Variants in MARK3 observed in about 807,000 individuals in gnomAD.
MARK3 encodes the protein microtubule affinity regulating kinase 3, also known as MAP/microtubule affinity-regulating kinase 3.
Under a neutral mutation model 90.1 loss-of-function variants are expected in MARK3, and 46 were observed. The ratio of observed to expected loss-of-function variants is 0.51; its 90% CI spans 0.40 to 0.65. The LOEUF is 0.65. Ranked by LOEUF, MARK3 falls within the 30% of genes least tolerant of loss-of-function variation. MARK3 has a pLI of 0.00. For synonymous variants in MARK3, 321 were observed against 332.6 expected, an observed-to-expected ratio of 0.97 and a Z score of 0.38; for missense variants, 818 against 947.2, an observed-to-expected ratio of 0.86 and a Z score of 1.79.
chr14:103,413,349 T>A (rs1422260863), intron 2 of MARK3, among the ~76,000 whole-genome samples: 2 of 151,922 alleles, frequency 1.3e-5, no homozygotes, highest in Admixed American at 1.3e-4. Context: ...AATAATCATA[T>A]AACTTCTTGC....
Position 103,385,904 on chromosome 14 carries a change from G to C in MARK3, c.-126G>C. The C allele has an allele frequency of 1.3e-6, 1 of 747,736 alleles. No homozygotes were observed. Among genetic ancestry groups the C allele is most frequent in the East Asian group, 2.6e-5 (1 of 38,916 alleles). The allele number at this position is 747,736 out of a possible 1,614,324, so 46.3% of individuals were successfully genotyped here. ...GGGATCTAGACGGCCGTAGGGGGAA[G>C]GGAGCCGCCCTCCCCACGGCGCCTT... On this transcript the variant is annotated 5_prime_UTR_variant, in exon 1 of 18. Coordinates refer to ENST00000429436, the MANE Select transcript of MARK3 (RefSeq NM_001128918.3).
rs1292724211 is a variant in MARK3 at position 103,468,058 on chromosome 14, G to A, written c.1136G>A (p.Ser379Asn). 31 of 1,613,674 alleles carry A rather than the reference G, an allele frequency of 1.9e-5. No homozygotes were observed. The highest frequency in any genetic ancestry group is 2.6e-5 in the Non-Finnish European group (31 of 1,179,904). Residue 379 changes from serine to asparagine, a missense_variant, in exon 12 of 18, where the codon AGC becomes AAC. Physicochemically the swap from Ser to Asn is conservative, Grantham distance 46. Transcript: ENST00000429436. ...CTGGATGCTAGTGATTCCAGTTCTA[G>A]CAGCAATCTTTCACTTGCTAAGGTT... ...SELDASDSSS[S>N]SNLSLAKVRP...
At position 103,455,149 on chromosome 14, in the gene MARK3, G is replaced by A. The variant is rs540033863; in HGVS notation, c.413-1993G>A. ...AATTCAAATTTAGAAAAAAAAATCT[G>A]TCAATTATATTGACAGACTTGGATT... On this transcript the variant is annotated intron_variant, in intron 5 of 17. Coordinates refer to ENST00000429436, the MANE Select transcript of MARK3 (RefSeq NM_001128918.3). Among the ~76,000 whole-genome samples, 11 of 152,212 alleles carry A rather than the reference G, an allele frequency of 7.2e-5. No individual in the cohort carries two copies. In the South Asian group the frequency reaches 2.3e-3, roughly 32 times the overall value.
At chr14:103,427,233 C>T (rs1272400847) in intron 2 of MARK3, among the ~76,000 whole-genome samples, 1 of 151,214 alleles carries the variant, frequency 6.6e-6, no homozygotes, top group Non-Finnish European at 1.5e-5. Flanking sequence ...GGCGCTGTGG[C>T]TCACACGTGT....
chr14:103,414,206 CT>C (rs58495929), intron 2 of MARK3, among the ~76,000 whole-genome samples: 293 of 140,526 alleles, frequency 2.1e-3, no homozygotes, highest in Middle Eastern at 3.7e-3. Flanking sequence ...TCTTTTCTTT[CT>C]TTTTTTTTTT....
intron 2 of MARK3, among the ~76,000 whole-genome samples, chr14:103,415,475 A>T (rs2091905355): frequency 6.6e-6 from 1 of 152,214 alleles, no homozygotes; most frequent in South Asian, 2.1e-4. Context: ...CCCATTATCC[A>T]TATTGTCCTG....
intron 14 of MARK3, among the ~76,000 whole-genome samples, chr14:103,485,864 C>T (rs569012136): frequency 2.0e-5 from 3 of 152,094 alleles, no homozygotes; most frequent in South Asian, 2.1e-4. Context: ...CTGAGACCCC[C>T]GTCTCTATAA....
At chr14:103,457,939 T>C (rs914336176) in intron 6 of MARK3, among the ~76,000 whole-genome samples, 2 of 152,222 alleles carry the variant, frequency 1.3e-5, no homozygotes, top group Non-Finnish European at 2.9e-5. Flanking sequence ...GGTCTCGCTG[T>C]ATTGCCCAGG....
intron 3 of MARK3, chr14:103,441,327 C>G (rs899201924): frequency 6.6e-6 from 1 of 152,066 alleles, no homozygotes; most frequent in Non-Finnish European, 1.5e-5. Flanking sequence ...CTCTGTCACC[C>G]AGGCTGGGGT....
rs1394617184 is a variant in MARK3, at chr14:103,466,049, A to G, written c.855A>G (p.Lys285=). 6.2e-7 allele frequency: 1 copy of G among 1,613,984 alleles called. No homozygotes were observed. The highest frequency in any genetic ancestry group is 8.5e-7 in the Non-Finnish European group (1 of 1,179,976). ...YMSTDCENLL[K]RFLVLNPIKR... Reference sequence around the variant, plus strand: ...CTACAGACTGTGAAAACCTTCTCAAACGTTTCCTGGTGCTAAATCCAATTA... The same window carrying G: ...CTACAGACTGTGAAAACCTTCTCAAGCGTTTCCTGGTGCTAAATCCAATTA... The change falls in exon 9 of 18, where the codon AAA becomes AAG. Residue 285 remains lysine (K), a synonymous_variant. Transcript: ENST00000429436.
chr14:103,493,988 C>T (rs1207103307), intron 15 of MARK3, among the ~76,000 whole-genome samples: 2 of 151,720 alleles, frequency 1.3e-5, no homozygotes, highest in Non-Finnish European at 2.9e-5. Flanking sequence ...AATCTCAGCA[C>T]TTTGGGAGGC....
intron 12 of MARK3, among the ~76,000 whole-genome samples, chr14:103,473,922 C>T (rs571926775): frequency 1.6e-4 from 24 of 151,754 alleles, no homozygotes; most frequent in Non-Finnish European, 2.6e-4. Context: ...ACAGGCTGGG[C>T]GCAGTAGCTC....
intron 2 of MARK3, among the ~76,000 whole-genome samples, chr14:103,406,345 C>T (rs1042064467): frequency 6.6e-6 from 1 of 151,896 alleles, no homozygotes; most frequent in Non-Finnish European, 1.5e-5. Flanking sequence ...TTGCCTCAGC[C>T]TCCTGAGTAG....
At chr14:103,402,538 C>A (rs1369375603) in intron 1 of MARK3, among the ~76,000 whole-genome samples, 1 of 118,222 alleles carries the variant, frequency 8.5e-6, no homozygotes, top group Non-Finnish European at 1.8e-5. Flanking sequence ...CAGAGTGAGA[C>A]TCCATCTCAA....
chr14:103,414,815 C>T (rs577747731), intron 2 of MARK3, among the ~76,000 whole-genome samples: 63 of 152,110 alleles, frequency 4.1e-4, no homozygotes, highest in Middle Eastern at 3.4e-3. Context: ...GCATTTAAGT[C>T]ACAAGGATGT....
chr14:103,461,493 C>T (rs2093399919), intron 6 of MARK3, among the ~76,000 whole-genome samples: 2 of 152,124 alleles, frequency 1.3e-5, no homozygotes, highest in South Asian at 2.1e-4. Flanking sequence ...TAATAGTGCA[C>T]GTAGTAGTTT....
chr14:103,415,070 T>C (rs941975864), intron 2 of MARK3, among the ~76,000 whole-genome samples: 2 of 137,182 alleles, frequency 1.5e-5, no homozygotes, highest in Admixed American at 8.3e-5. Context: ...GAGAATCACT[T>C]GAACCCGGGA....
intron 1 of MARK3, among the ~76,000 whole-genome samples, chr14:103,390,433 G>A (rs762477568): frequency 6.6e-6 from 1 of 151,484 alleles, no homozygotes; most frequent in Admixed American, 6.6e-5. Context: ...ACAAGGAGAT[G>A]TAGTTGTACC....
Position 103,405,097 on chromosome 14 carries a change from C to G in MARK3, c.73C>G (p.Arg25Gly). Residue 25 changes from arginine (R) to glycine (G), a missense_variant, in exon 2 of 18, where the codon CGT (arginine) becomes GGT (glycine). By Grantham distance (125) the Arg-to-Gly change is moderately radical. Coordinates refer to ENST00000429436, the MANE Select transcript of MARK3 (RefSeq NM_001128918.3). Reference sequence around the variant, plus strand: ...GCAGCACACGTCACATGGAGATGGGCGTCAAGAAGTTACCTCTCGTACCAG... The same window carrying G: ...GCAGCACACGTCACATGGAGATGGGGGTCAAGAAGTTACCTCTCGTACCAG... ...TENHTSHGDG[R>G]QEVTSRTSRS... 6.2e-7 allele frequency: 1 copy of G among 1,613,854 alleles called. No individual in the cohort carries two copies. Among genetic ancestry groups the G allele is most frequent in the East Asian group, 2.2e-5 (1 of 44,844 alleles).
Sources: allele counts gnomAD v4.1 joint callset (sites outside exome capture counted in the v4.1 genomes callset), GRCh38; gene constraint gnomAD v4.1.1; transcripts MANE v1.5; gene names NCBI Gene and HGNC (gene_info 2026-07-23, HGNC 2026-07-21).